The following KIFAP3 variants were observed in gnomAD, a reference collection of about 807,000 sequenced individuals.
The protein encoded by KIFAP3 is kinesin associated protein 3, also known as kinesin-associated protein 3.
A neutral mutation model predicts 106.5 loss-of-function variants in KIFAP3; 68 were observed. The observed-to-expected ratio is 0.64, with a 90% CI of 0.53 to 0.78. The LOEUF is 0.78. Ranked by LOEUF, KIFAP3 falls within the 30% of genes least tolerant of loss-of-function variation. The pLI, the probability that KIFAP3 is intolerant of heterozygous loss-of-function variation, is 0.00. For missense variants in KIFAP3, 780 were observed against 941.8 expected (o/e 0.83, Z 2.25); for synonymous variants, 320 against 311.5 (o/e 1.03, Z -0.29).
chr1:170,059,850 C>A (rs1000051157), intron 1 of KIFAP3, among the ~76,000 whole-genome samples: 1 of 152,180 alleles, frequency 6.6e-6, no homozygotes, highest in South Asian at 2.1e-4. Flanking sequence ...TGGAATGCAA[C>A]GCTGGTTCAA....
At chr1:169,952,458 T>G (rs1161232805) in intron 19 of KIFAP3, among the ~76,000 whole-genome samples, 1 of 152,076 alleles carries the variant, frequency 6.6e-6, no homozygotes, top group Non-Finnish European at 1.5e-5. Context: ...GTAAACAGTT[T>G]ACATATATAT....
chr1:169,983,757 T>C lies in KIFAP3; in HGVS notation c.1394-375A>G, dbSNP rs577574194. ...CAAATGTTAAAAACAAAAATACTTT[T>C]GACTCAGAAAAATTGTACTTCTGGG... On this transcript the variant is annotated intron_variant, in intron 12 of 19. Coordinates refer to ENST00000361580, the MANE Select transcript of KIFAP3 (RefSeq NM_014970.4). Among the ~76,000 whole-genome samples the C allele has an allele frequency of 2.6e-5, 4 of 151,990 alleles. No individual in the cohort carries two copies. The East Asian group carries it at 7.7e-4, about 29-fold the overall frequency.
chr1:169,940,251 G>A (rs1664037039), intron 19 of KIFAP3, among the ~76,000 whole-genome samples: 1 of 152,188 alleles, frequency 6.6e-6, no homozygotes, highest in Admixed American at 6.6e-5. Context: ...CTTAATAATA[G>A]TGTCTCCCTT....
chr1:170,060,073 A>C (rs558183834), intron 1 of KIFAP3, among the ~76,000 whole-genome samples: 2 of 152,326 alleles, frequency 1.3e-5, no homozygotes, highest in East Asian at 1.9e-4. Context: ...ATGAATGGGC[A>C]AAAACTGGAA....
At chr1:169,954,810 C>T (rs1406520886) in intron 18 of KIFAP3, among the ~76,000 whole-genome samples, 1 of 152,122 alleles carries the variant, frequency 6.6e-6, no homozygotes, top group African/African-American at 2.4e-5. Flanking sequence ...ATTACCTACG[C>T]TAAATAGTTC....
intron 19 of KIFAP3, among the ~76,000 whole-genome samples, chr1:169,940,867 C>T (rs770239874): frequency 6.6e-6 from 1 of 151,916 alleles, no homozygotes; most frequent in Non-Finnish European, 1.5e-5. Context: ...CTGTTCATGT[C>T]CCCAAAACAA....
At chr1:170,013,018 C>A (rs527271271) in intron 10 of KIFAP3, among the ~76,000 whole-genome samples, 4 of 152,210 alleles carry the variant, frequency 2.6e-5, no homozygotes, top group East Asian at 1.9e-4. Context: ...GGGGACACAG[C>A]CAAACCATAC....
At chr1:170,034,036 G>A (rs1669553456) in intron 7 of KIFAP3, among the ~76,000 whole-genome samples, 1 of 151,794 alleles carries the variant, frequency 6.6e-6, no homozygotes, top group South Asian at 2.1e-4. Flanking sequence ...ATAAGCAGCA[G>A]TGGTGGGCCA....
chr1:169,965,379 GTGTA>G (rs1478931480), intron 17 of KIFAP3, among the ~76,000 whole-genome samples: 1 of 18,096 alleles, frequency 5.5e-5, no homozygotes, highest in Non-Finnish European at 8.2e-5. Context: ...TTCATTCCTG[GTGTA>G]AAACAGGGGT....
At chr1:169,990,315 GAAGGTAAATATCTTT>G in intron 11 of KIFAP3, 2 of 341,682 alleles carry the variant, frequency 5.9e-6, no homozygotes, top group Non-Finnish European at 5.4e-6. Flanking sequence ...TGGTTGTACA[GAAGGTAAATATCTTT>G]TAGTGTTTAT....
intron 2 of KIFAP3, among the ~76,000 whole-genome samples, chr1:170,051,252 A>C (rs1285222948): frequency 2.6e-5 from 4 of 152,198 alleles, no homozygotes; most frequent in African/African-American, 4.8e-5. Context: ...AGGGCATTAC[A>C]TAATGGTAAA....
At chr1:170,025,993 G>C (rs775977568) in intron 8 of KIFAP3, among the ~76,000 whole-genome samples, 12 of 152,134 alleles carry the variant, frequency 7.9e-5, no homozygotes, top group Non-Finnish European at 1.8e-4. Flanking sequence ...AAGGTGGACC[G>C]TGAATCCAAT....
chr1:169,930,972 C>T (rs553209), intron 19 of KIFAP3, among the ~76,000 whole-genome samples: 138,081 of 147,648 alleles, frequency 0.94, 64,651 homozygotes, highest in East Asian at 0.99. Flanking sequence ...CAGGCTAGAG[C>T]GCAATGGTGC....
At chr1:169,932,200 TAG>T (rs1663527413) in intron 19 of KIFAP3, among the ~76,000 whole-genome samples, 1 of 152,176 alleles carries the variant, frequency 6.6e-6, no homozygotes, top group Admixed American at 6.6e-5. Flanking sequence ...TTTGGGGAAC[TAG>T]AAAGCACATG....
chr1:170,007,719 A>AT (rs1281148013), intron 10 of KIFAP3, among the ~76,000 whole-genome samples: 2 of 152,072 alleles, frequency 1.3e-5, no homozygotes, highest in Non-Finnish European at 2.9e-5. Flanking sequence ...ATTCAATGCT[A>AT]CCCCATCAAG....
At chr1:170,056,363 TA>T (rs1670854555) in intron 1 of KIFAP3, among the ~76,000 whole-genome samples, 1 of 152,222 alleles carries the variant, frequency 6.6e-6, no homozygotes, top group Admixed American at 6.5e-5. Flanking sequence ...AAAGGTTGTA[TA>T]TACTCTTTCT....
intron 18 of KIFAP3, among the ~76,000 whole-genome samples, 156 bp from the exon 19 acceptor site, chr1:169,954,266 T>G (rs1664890483): frequency 6.6e-6 from 1 of 152,234 alleles, no homozygotes; most frequent in African/African-American, 2.4e-5. Context: ...CAGACAACTG[T>G]ATGTACCTTA....
chr1:170,037,619 C>T (rs1307418819), intron 5 of KIFAP3, among the ~76,000 whole-genome samples: 2 of 151,154 alleles, frequency 1.3e-5, no homozygotes, highest in African/African-American at 4.9e-5. Flanking sequence ...TGCCTATAAT[C>T]CCAGCTACTC....
rs976940208 is a variant in KIFAP3, at chr1:170,017,471, G to T, written c.1021-847C>A. Among the ~76,000 whole-genome samples the T allele has an allele frequency of 4.6e-5, 7 of 152,054 alleles. No individual in the cohort carries two copies. In the South Asian group the frequency reaches 6.2e-4, roughly 14 times the overall value. ...CAGAAAGGCAATGGCAATACAAGTT[G>T]AGGAAAAAGCCAGTGGATCGGCATT... On this transcript the variant is annotated intron_variant, in intron 9 of 19. Transcript: ENST00000361580.
Sources: allele counts gnomAD v4.1 joint callset (sites outside exome capture counted in the v4.1 genomes callset), GRCh38; gene constraint gnomAD v4.1.1; transcripts MANE v1.5; gene names NCBI Gene and HGNC (gene_info 2026-07-23, HGNC 2026-07-21).